Variants in MCTP1 observed in about 807,000 individuals in gnomAD.
MCTP1 encodes multiple C2 and transmembrane domain containing 1.
Under a neutral mutation model 120.6 loss-of-function variants are expected in MCTP1, and 69 were observed. The ratio of observed to expected loss-of-function variants is 0.57; its 90% CI spans 0.47 to 0.70. The LOEUF is 0.70. MCTP1 is among the 30% of genes least tolerant of loss of function. The pLI is 0.00. For missense variants in MCTP1, 1,203 were observed against 1,248.8 expected (o/e 0.96, Z 0.55); for synonymous variants, 529 against 493.1 (o/e 1.07, Z -0.96).
chr5:94,965,768 G>A (rs942047298), intron 2 of MCTP1, among the ~76,000 whole-genome samples: 15 of 152,054 alleles, frequency 9.9e-5, no homozygotes, highest in African/African-American at 1.9e-4. Context: ...GCAGTGATTC[G>A]GAAGTGATTA....
At chr5:95,261,366 C>G (rs1758455910) in intron 1 of MCTP1, among the ~76,000 whole-genome samples, 2 of 152,294 alleles carry the variant, frequency 1.3e-5, no homozygotes, top group East Asian at 1.9e-4. Flanking sequence ...CTCCCGGCTA[C>G]AGTGTGATTC....
chr5:94,929,446 T>A (rs1722205026), intron 6 of MCTP1, among the ~76,000 whole-genome samples: 1 of 152,206 alleles, frequency 6.6e-6, no homozygotes, highest in Non-Finnish European at 1.5e-5. Context: ...TTATATCATA[T>A]ATGAAATACC....
intron 1 of MCTP1, among the ~76,000 whole-genome samples, chr5:95,162,528 T>C (rs911660189): frequency 1.3e-5 from 2 of 152,136 alleles, no homozygotes; most frequent in Non-Finnish European, 2.9e-5. Flanking sequence ...CTATAAAATA[T>C]ATCATGTTTG....
At chr5:95,093,594 G>C (rs1756009629) in intron 1 of MCTP1, among the ~76,000 whole-genome samples, 2 of 152,090 alleles carry the variant, frequency 1.3e-5, no homozygotes, top group African/African-American at 4.8e-5. Flanking sequence ...TGAGGGTCTT[G>C]GGGGAGAGGA....
At chr5:95,119,409 G>A (rs1005403334) in intron 1 of MCTP1, among the ~76,000 whole-genome samples, 5 of 152,054 alleles carry the variant, frequency 3.3e-5, no homozygotes, top group African/African-American at 7.2e-5. Flanking sequence ...ATAGTTATAC[G>A]TGCCTACATC....
chr5:95,142,782 T>C (rs1346543213), intron 1 of MCTP1, among the ~76,000 whole-genome samples: 1 of 152,096 alleles, frequency 6.6e-6, no homozygotes, highest in Non-Finnish European at 1.5e-5. Context: ...CAACACAGCA[T>C]AGATAGCATG....
At chr5:94,810,272 C>T (rs1021286473) in intron 17 of MCTP1, among the ~76,000 whole-genome samples, 1 of 152,126 alleles carries the variant, frequency 6.6e-6, no homozygotes, top group African/African-American at 2.4e-5. Flanking sequence ...GTTACCACTC[C>T]TATTTTTGAA....
chr5:94,958,908 C>A (rs1461415844), intron 2 of MCTP1, among the ~76,000 whole-genome samples: 1 of 152,046 alleles, frequency 6.6e-6, no homozygotes, highest in African/African-American at 2.4e-5. Flanking sequence ...GATTCCTCCC[C>A]AATTCATTTT....
intron 1 of MCTP1, among the ~76,000 whole-genome samples, chr5:95,229,894 G>A (rs925670486): frequency 9.9e-5 from 15 of 152,080 alleles, no homozygotes; most frequent in Non-Finnish European, 1.9e-4. Flanking sequence ...CTCAAGAGGG[G>A]ACTGGAAAAG....
chr5:94,971,319 A>C (rs142581985), intron 2 of MCTP1, among the ~76,000 whole-genome samples: 1 of 152,270 alleles, frequency 6.6e-6, no homozygotes, highest in African/African-American at 2.4e-5. Flanking sequence ...ATTATTTCTA[A>C]AATTTATTAA....
At chr5:94,810,429 C>T (rs1380922376) in intron 17 of MCTP1, among the ~76,000 whole-genome samples, 1 of 152,116 alleles carries the variant, frequency 6.6e-6, no homozygotes, top group African/African-American at 2.4e-5. Flanking sequence ...TGAACAGGTA[C>T]AATATTTAGG....
At chr5:95,153,249 G>A (rs1744737404) in intron 1 of MCTP1, among the ~76,000 whole-genome samples, 3 of 152,106 alleles carry the variant, frequency 2.0e-5, no homozygotes, top group South Asian at 2.1e-4. Flanking sequence ...GACCTCTCCT[G>A]CCACCATGTA....
chr5:94,946,532 G>C (rs972683763), intron 3 of MCTP1, among the ~76,000 whole-genome samples: 2 of 152,122 alleles, frequency 1.3e-5, no homozygotes, highest in African/African-American at 2.4e-5. Flanking sequence ...ATCCCTAACA[G>C]AGAATCCAAA....
At chr5:94,884,525 C>G (rs1800812352) in intron 12 of MCTP1, among the ~76,000 whole-genome samples, 1 of 151,404 alleles carries the variant, frequency 6.6e-6, no homozygotes, top group Non-Finnish European at 1.5e-5. Flanking sequence ...TGAACGGTTC[C>G]CCAGGGAACG....
chr5:94,775,686 A>G (rs1775140031), intron 19 of MCTP1, among the ~76,000 whole-genome samples: 1 of 152,048 alleles, frequency 6.6e-6, no homozygotes, highest in African/African-American at 2.4e-5. Flanking sequence ...GCTACTACAT[A>G]ATGCAGATAA....
intron 17 of MCTP1, among the ~76,000 whole-genome samples, chr5:94,800,625 A>G (rs1037065072): frequency 6.6e-6 from 1 of 152,220 alleles, no homozygotes; most frequent in African/African-American, 2.4e-5. Flanking sequence ...ACAGAGGTCT[A>G]TAAATCTAAT....
At chr5:94,909,110 G>T in intron 10 of MCTP1, 141 bp downstream of exon 10, 2 of 983,778 alleles carry the variant, frequency 2.0e-6, no homozygotes, top group Non-Finnish European at 2.9e-6. Context: ...CTATTTTTCA[G>T]TTCATCCAAG....
At chr5:94,837,235 C>T (rs1789997687) in intron 17 of MCTP1, among the ~76,000 whole-genome samples, 1 of 151,948 alleles carries the variant, frequency 6.6e-6, no homozygotes, top group Non-Finnish European at 1.5e-5. Context: ...AAAACATTAG[C>T]CAGGGCATGG....
intron 21 of MCTP1, chr5:94,710,575 A>C (rs1301227331): frequency 8.0e-6 from 3 of 375,792 alleles, no homozygotes; most frequent in Non-Finnish European, 1.4e-5. Context: ...TATATGAAGA[A>C]TCTGCACAAC....
Sources: gnomAD v4.1 joint callset for allele counts (sites outside exome capture counted in the v4.1 genomes callset) on GRCh38, gnomAD v4.1.1 for gene constraint, MANE v1.5 for transcripts, NCBI Gene and HGNC (gene_info 2026-07-23, HGNC 2026-07-21) for gene names.